Variants in APOBR observed in about 807,000 individuals in gnomAD.
APOBR encodes apoB-48R.
A neutral mutation model predicts 88.5 loss-of-function variants in APOBR; 57 were observed. The ratio of observed to expected loss-of-function variants is 0.64; its 90% confidence interval spans 0.52 to 0.80. The LOEUF (loss-of-function observed/expected upper bound fraction) is 0.80, where lower values mean the gene tolerates loss of function less well. Among genes scored for constraint, APOBR ranks in the 30% least tolerant of loss-of-function variants. The pLI, the probability that APOBR is intolerant of heterozygous loss-of-function variation, is 0.00. For missense variants in APOBR, 1,443 were observed against 1,401.6 expected (o/e 1.03, Z -0.47); for synonymous variants, 588 against 572.7 (o/e 1.03, Z -0.38).
chr16:28,495,111 A>G lies in APOBR; in HGVS notation c.70A>G (p.Thr24Ala). The change falls in exon 2 of 4, where the codon ACC (threonine) becomes GCC (alanine). Residue 24 changes from threonine to alanine, a missense_variant. By Grantham distance (58) the Thr-to-Ala change is moderately conservative (BLOSUM62 0). Coordinates refer to ENST00000564831, the MANE Select transcript of APOBR (RefSeq NM_018690.4). ...TCTTTTTTCCTAGGATTCCCTCGGC[A>G]CCTTTGTCTCCTACCTCCTGGGAGA... ...ALRGALDSLGTFVSYLLGDAV... is the reference protein window; with the variant it reads ...ALRGALDSLGAFVSYLLGDAV... 1 of 1,519,090 alleles carries G rather than the reference A, an allele frequency of 6.6e-7. No homozygotes were observed. Among genetic ancestry groups the G allele is most frequent in the Non-Finnish European group, 8.8e-7 (1 of 1,134,936 alleles). The allele number at this position is 1,519,090 out of a possible 1,614,324, so 94.1% of individuals were successfully genotyped here.
In APOBR at chr16:28,498,086, G is replaced by T. The variant is rs767350788; in HGVS notation, c.2961G>T (p.Pro987=). 18 of 1,547,196 alleles carry T rather than the reference G, an allele frequency of 1.2e-5. No individual in the cohort carries two copies. In the South Asian group the frequency reaches 1.8e-4, roughly 15 times the overall value. ...GGAANSWSEA[P]LPGSLLDVSV... ...CTGTGCCCCCTTTCCTGCAGGCCCC[G>T]CTCCCCGGGTCCCTCCTAGACGTCT... Residue 987 remains proline (P), a synonymous_variant, in exon 3 of 4, where the codon CCG becomes CCT. Coordinates refer to ENST00000564831, the MANE Select transcript of APOBR (RefSeq NM_018690.4).
intron 1 of APOBR, 26 bp from the exon 2 acceptor site, chr16:28,495,073 T>C: frequency 6.8e-7 from 1 of 1,473,742 alleles, no homozygotes; most frequent in Non-Finnish European, 9.0e-7. Context: ...TCAATGACTC[T>C]CCCCTCTCTC....
In APOBR at chr16:28,496,703, C is replaced by T. The variant is rs547588743; in HGVS notation, c.1662C>T (p.Leu554=). Residue 554 remains leucine (L), a synonymous_variant, in exon 2 of 4, where the codon CTC becomes CTT. Coordinates refer to ENST00000564831, the MANE Select transcript of APOBR (RefSeq NM_018690.4). ...CGLLGVEWGG[L]THSVTKGQGP... ...TACTGGGCGTGGAATGGGGTGGCCT[C>T]ACACACAGCGTCACCAAAGGCCAAG... 6 of 1,602,894 alleles carry T rather than the reference C, an allele frequency of 3.7e-6. No homozygotes were observed. The South Asian group carries it at 5.6e-5, about 15-fold the overall frequency.
In APOBR at chr16:28,496,335, G is replaced by A. The variant is rs768184853; in HGVS notation, c.1294G>A (p.Gly432Ser). 6.3e-7 allele frequency: 1 copy of A among 1,588,432 alleles called. No homozygotes were observed. The highest frequency in any genetic ancestry group is 2.2e-5 in the East Asian group (1 of 44,630). ...SPFPKQPQVL[G>S]TERTEEAAES... ...TTTCCCCAAACAGCCCCAGGTCCTG[G>A]GCACTGAAAGAACAGAAGAGGCTGC... The change falls in exon 2 of 4, where the codon GGC becomes AGC. Residue 432 changes from glycine to serine, a missense_variant. Coordinates refer to ENST00000564831, the MANE Select transcript of APOBR (RefSeq NM_018690.4).
Position 28,495,235 on chromosome 16 carries a change from A to G in APOBR, c.194A>G (p.Glu65Gly). 6.5e-7 allele frequency: 1 copy of G among 1,542,276 alleles called. No homozygotes were observed. Among genetic ancestry groups the G allele is most frequent in the East Asian group, 2.3e-5 (1 of 43,446 alleles). The stretch of plus-strand genomic sequence containing the variant: ...AAGATTGTAGAGGAGGAAGCCCAGG[A>G]GGACCTGGAGGGCCTTAGAGGCAGC... The part of the protein sequence containing the change: ...TGKIVEEEAQ[E>G]DLEGLRGSQN... The change falls in exon 2 of 4, where the codon GAG becomes GGG. Residue 65 changes from glutamate to glycine, a missense_variant. Glu to Gly is a moderately conservative substitution (Grantham distance 98). Transcript: ENST00000564831.
rs764570363 is a variant in APOBR, at chr16:28,498,262, C to T, written c.3137C>T (p.Pro1046Leu). 4 of 1,605,754 alleles carry T rather than the reference C, an allele frequency of 2.5e-6. No homozygotes were observed. The Admixed American group carries it at 5.1e-5, about 21-fold the overall frequency. The change falls in exon 3 of 4, where the codon CCC becomes CTC. Residue 1046 changes from proline to leucine, a missense_variant. By Grantham distance (98) the Pro-to-Leu change is moderately conservative. Transcript: ENST00000564831. ...EEELSAPEQR[P>L]LQLEEPLEPS... is the part of the protein sequence containing the mutation. ...GAGCTGTCAGCTCCTGAGCAGAGACCCCTCCAGCTGGAGGAACCCCTGGAG... is the reference window on the plus strand; with the variant it reads ...GAGCTGTCAGCTCCTGAGCAGAGACTCCTCCAGCTGGAGGAACCCCTGGAG...
chr16:28,495,499 G>A lies in APOBR; in HGVS notation c.458G>A (p.Ser153Asn), dbSNP rs2046382195. 2 of 1,568,604 alleles carry A rather than the reference G, an allele frequency of 1.3e-6. No homozygotes were observed. Among genetic ancestry groups the A allele is most frequent in the East Asian group, 4.7e-5 (2 of 42,418 alleles). Reference protein sequence around the residue: ...KAGSGACQDRSGQAQERQESH... With the variant: ...KAGSGACQDRNGQAQERQESH... Reference sequence around the variant, plus strand: ...GGGTCTGGGGCTTGCCAAGACAGGAGCGGCCAAGCCCAGGAGAGGCAGGAG... The same window carrying A: ...GGGTCTGGGGCTTGCCAAGACAGGAACGGCCAAGCCCAGGAGAGGCAGGAG... The change falls in exon 2 of 4, where the codon AGC becomes AAC. Residue 153 changes from serine to asparagine, a missense_variant. Physicochemically the swap from Ser to Asn is conservative, Grantham distance 46. Transcript: ENST00000564831.
At chr16:28,498,415 G>T in intron 3 of APOBR, 21 bp from the exon 4 acceptor site, 1 of 1,599,378 alleles carries the variant, frequency 6.3e-7, no homozygotes, top group Non-Finnish European at 8.5e-7. Flanking sequence ...CTGTTCTCAC[G>T]GGCCTGACTT....
chr16:28,496,522 C>T lies in APOBR; in HGVS notation c.1481C>T (p.Ala494Val). The part of the protein sequence containing the change: ...RMEELVQAEE[A>V]QEERGSSRDP... ...GAAGAGCTGGTACAGGCAGAGGAGG[C>T]CCAGGAGGAGAGAGGGAGCAGCAGG... Residue 494 changes from alanine (A) to valine (V), a missense_variant, in exon 2 of 4, where the codon GCC becomes GTC. Ala to Val is a moderately conservative substitution (Grantham distance 64). Transcript: ENST00000564831. The T allele has an allele frequency of 1.9e-6, 3 of 1,578,606 alleles. No homozygotes were observed. Among genetic ancestry groups the T allele is most frequent in the Non-Finnish European group, 2.6e-6 (3 of 1,162,402 alleles).
chr16:28,494,949 G>A, intron 1 of APOBR, 150 bp from the exon 2 acceptor site: 1 of 890,716 alleles, frequency 1.1e-6, no homozygotes, highest in South Asian at 1.9e-5. Context: ...CCTAATCGAT[G>A]CCCCTTCTGG....
rs1340328448 is a variant in APOBR, at chr16:28,497,836, C to A, written c.2795C>A (p.Ala932Asp). The change falls in exon 2 of 4, where the codon GCC (alanine) becomes GAC (aspartate). Residue 932 changes from alanine to aspartate, a missense_variant. Ala to Asp is a moderately radical substitution (Grantham distance 126). Coordinates refer to ENST00000564831, the MANE Select transcript of APOBR (RefSeq NM_018690.4). ...LMVTGGRRAE[A>D]KETEPESLEH... is the part of the protein sequence containing the mutation. ...GTGACCGGGGGCCGGAGGGCAGAGGCCAAGGAGACTGAGCCAGAAAGCCTG... is the reference window on the plus strand; with the variant it reads ...GTGACCGGGGGCCGGAGGGCAGAGGACAAGGAGACTGAGCCAGAAAGCCTG... The A allele has an allele frequency of 1.2e-6, 2 of 1,609,540 alleles. No individual in the cohort carries two copies. Among genetic ancestry groups the A allele is most frequent in the Non-Finnish European group, 1.7e-6 (2 of 1,178,196 alleles).
chr16:28,494,856 A>T (rs1352534871), intron 1 of APOBR, 118 bp downstream of exon 1: 2 of 1,093,730 alleles, frequency 1.8e-6, no homozygotes, highest in African/African-American at 1.6e-5. Context: ...CAAACTGGAG[A>T]TTGCTTTCTC....
chr16:28,498,282 C>A lies in APOBR; in HGVS notation c.3157C>A (p.Leu1053Met). ...EQRPLQLEEP[L>M]EPSPLRHDGT... ...GAGACCCCTCCAGCTGGAGGAACCCCTGGAGCCAAGCCCTCTGAGGCATGA... is the reference window on the plus strand; with the variant it reads ...GAGACCCCTCCAGCTGGAGGAACCCATGGAGCCAAGCCCTCTGAGGCATGA... Residue 1053 changes from leucine (L) to methionine (M), a missense_variant, in exon 3 of 4, where the codon CTG (leucine) becomes ATG (methionine). Physicochemically the swap from Leu to Met is conservative, Grantham distance 15. Coordinates refer to ENST00000564831, the MANE Select transcript of APOBR (RefSeq NM_018690.4). 1 of 1,604,324 alleles carries A rather than the reference C, an allele frequency of 6.2e-7. No homozygotes were observed.
rs569776411 is a variant in APOBR, at chr16:28,496,967, C to T, written c.1926C>T (p.Ala642=). The T allele has an allele frequency of 2.6e-5, 41 of 1,557,906 alleles. No homozygotes were observed. In the African/African-American group the frequency reaches 2.7e-4, roughly 10 times the overall value. ...MERGNTQEDA[A]DGEQREEEET... is the part of the protein sequence containing the mutation. Reference sequence around the variant, plus strand: ...GAGGAAATACTCAGGAGGATGCGGCCGATGGCGAGCAGCGGGAGGAGGAGG... The same window carrying T: ...GAGGAAATACTCAGGAGGATGCGGCTGATGGCGAGCAGCGGGAGGAGGAGG... The change falls in exon 2 of 4, where the codon GCC becomes GCT. Residue 642 remains alanine, a synonymous_variant. Transcript: ENST00000564831.
chr16:28,495,881 AGAG>A lies in APOBR; in HGVS notation c.845_847del (p.Glu282del). The A allele has an allele frequency of 6.2e-7, 1 of 1,611,340 alleles. No homozygotes were observed. The highest frequency in any genetic ancestry group is 1.7e-5 in the Admixed American group (1 of 59,450). Reference sequence around the variant, plus strand: ...CTGAGGACTGGGGAATCTTAGGCAGAGAGGAGGCCAGGACAACCCCAGGTAGGG... The same window carrying A: ...CTGAGGACTGGGGAATCTTAGGCAGAGAGGCCAGGACAACCCCAGGTAGGG... On this transcript the variant is annotated inframe_deletion, in exon 2 of 4. Coordinates refer to ENST00000564831, the MANE Select transcript of APOBR (RefSeq NM_018690.4).
chr16:28,495,976 C>A lies in APOBR; in HGVS notation c.935C>A (p.Thr312Lys). The A allele has an allele frequency of 1.2e-6, 2 of 1,603,276 alleles. No homozygotes were observed. Among genetic ancestry groups the A allele is most frequent in the Non-Finnish European group, 1.7e-6 (2 of 1,178,568 alleles). The change falls in exon 2 of 4, where the codon ACA (threonine) becomes AAA (lysine). Residue 312 changes from threonine (T) to lysine (K), a missense_variant. By Grantham distance (78) the Thr-to-Lys change is moderately conservative. Coordinates refer to ENST00000564831, the MANE Select transcript of APOBR (RefSeq NM_018690.4). ...ATCTCAGGCGGGGAGGAGGCTGAGA[C>A]AGCCTCAGGCGGGGAGGAGGCTGAA... ...RTISGGEEAE[T>K]ASGGEEAETA... is the part of the protein sequence containing the mutation.
chr16:28,497,474 G>C lies in APOBR; in HGVS notation c.2433G>C (p.Leu811=), dbSNP rs773148043. Residue 811 remains leucine, a synonymous_variant, in exon 2 of 4, where the codon CTG becomes CTC. Transcript: ENST00000564831. ...GEHAGGQEFG[L]EGSAEEEVTG... ...ATGCAGGTGGGCAAGAATTTGGTCT[G>C]GAGGGCTCAGCAGAGGAAGAGGTGA... 3 of 1,613,802 alleles carry C rather than the reference G, an allele frequency of 1.9e-6. No individual in the cohort carries two copies. The highest frequency in any genetic ancestry group is 4.5e-5 in the East Asian group (2 of 44,890).
In APOBR at chr16:28,495,454, C is replaced by G; in HGVS notation, c.413C>G (p.Ala138Gly). ...RCQEPSAHLE[A>G]RKKSKAGSGA... is the part of the protein sequence containing the mutation. ...CAGGAGCCAAGCGCCCACTTGGAGG[C>G]CAGAAAGAAATCCAAGGCAGGGTCT... Residue 138 changes from alanine (A) to glycine (G), a missense_variant, in exon 2 of 4, where the codon GCC becomes GGC. Physicochemically the swap from Ala to Gly is moderately conservative, Grantham distance 60. Coordinates refer to ENST00000564831, the MANE Select transcript of APOBR (RefSeq NM_018690.4). 6.4e-7 allele frequency: 1 copy of G among 1,561,202 alleles called. No homozygotes were observed. Among genetic ancestry groups the G allele is most frequent in the Non-Finnish European group, 8.7e-7 (1 of 1,152,912 alleles).
chr16:28,497,770 A>T lies in APOBR; in HGVS notation c.2729A>T (p.Glu910Val), dbSNP rs2046405016. 1 of 1,603,742 alleles carries T rather than the reference A, an allele frequency of 6.2e-7. No homozygotes were observed. The highest frequency in any genetic ancestry group is 1.1e-5 in the South Asian group (1 of 89,490). Residue 910 changes from glutamate to valine, a missense_variant, in exon 2 of 4, where the codon GAG (glutamate) becomes GTG (valine). Glu to Val is a moderately radical substitution (Grantham distance 121). Transcript: ENST00000564831. ...GGGCGGTGTGGGGACTACCACCCTG[A>T]GGGAGAGGCACCAAGGCTCCTTGAT... is the stretch of plus-strand genomic sequence containing the variant. ...SEGRCGDYHP[E>V]GEAPRLLDAE... is the part of the protein sequence containing the mutation.
Sources: allele counts gnomAD v4.1 joint callset, GRCh38; gene constraint gnomAD v4.1.1; transcripts MANE v1.5; gene names NCBI Gene and HGNC (gene_info 2026-07-23, HGNC 2026-07-21).